Variants in SOX6 observed in about 807,000 individuals in gnomAD.
SOX6 encodes transcription factor SOX-6.
A neutral mutation model predicts 97.8 loss-of-function variants in SOX6; 11 were observed. The observed-to-expected ratio is 0.11, with a 90% CI of 0.07 to 0.19. The LOEUF (loss-of-function observed/expected upper bound fraction) is 0.19, where lower values mean the gene tolerates loss of function less well. Ranked by LOEUF, SOX6 falls within the 10% of genes least tolerant of loss-of-function variation. The probability of loss-of-function intolerance (pLI) is 1.00; values close to 1 mark genes in which losing one functional copy is unlikely to be tolerated. For missense variants in SOX6, 810 were observed against 1,039.5 expected, an observed-to-expected ratio of 0.78 and a Z score of 3.04; for synonymous variants, 360 against 371.4, an observed-to-expected ratio of 0.97 and a Z score of 0.35.
intron 4 of SOX6, among the ~76,000 whole-genome samples, chr11:16,231,685 T>C (rs903685485): frequency 1.3e-5 from 2 of 151,780 alleles, no homozygotes; most frequent in Admixed American, 1.3e-4. Flanking sequence ...AAAAATGTTT[T>C]CTGTTTTCAA....
At chr11:16,539,851 T>G (rs1338255817) in intron 4 of SOX6, among the ~76,000 whole-genome samples, 5 of 151,914 alleles carry the variant, frequency 3.3e-5, no homozygotes, top group Admixed American at 2.0e-4. Flanking sequence ...CCAAAAAAAG[T>G]CCAGGCAAAC....
At chr11:15,992,824 T>C (rs1854096247) in intron 13 of SOX6, among the ~76,000 whole-genome samples, 2 of 152,218 alleles carry the variant, frequency 1.3e-5, no homozygotes, top group Non-Finnish European at 2.9e-5. Context: ...ATGAGTACTA[T>C]GCAGAAAGAT....
chr11:16,114,042 G>A (rs1324885556), intron 6 of SOX6, among the ~76,000 whole-genome samples: 1 of 152,130 alleles, frequency 6.6e-6, no homozygotes, highest in Non-Finnish European at 1.5e-5. Flanking sequence ...CCTTTCCCTA[G>A]AGCTGGTCCA....
At chr11:16,651,770 C>G (rs139083128) in intron 3 of SOX6, among the ~76,000 whole-genome samples, 1,704 of 152,128 alleles carry the variant, frequency 0.011, 28 homozygotes, top group African/African-American at 0.035. Context: ...GAAGTCCTAG[C>G]CAGAGCAATC....
At chr11:16,415,237 T>TA (rs1186012530) in intron 1 of SOX6, among the ~76,000 whole-genome samples, 1 of 152,044 alleles carries the variant, frequency 6.6e-6, no homozygotes, top group African/African-American at 2.4e-5. Flanking sequence ...AGACTTTTGT[T>TA]ACCAAAAATA....
intron 4 of SOX6, among the ~76,000 whole-genome samples, chr11:16,589,349 G>C (rs1233424343): frequency 2.0e-5 from 3 of 152,100 alleles, no homozygotes; most frequent in Non-Finnish European, 4.4e-5. Flanking sequence ...AATACAGATT[G>C]ACAGATTGAG....
rs1393640258 is a variant in SOX6 at position 15,971,884 on chromosome 11, G to A, written c.*925C>T. ...ATGAATAAATTATTTAAGATAAAAT[G>A]TGTTAAGACTGAATGTCAGGGTTAA... On this transcript the variant is annotated 3_prime_UTR_variant, in exon 16 of 16. Transcript: ENST00000683767. 1.3e-5 allele frequency: 2 copies of A among 152,618 alleles called. No homozygotes were observed. The highest frequency in any genetic ancestry group is 2.1e-4 in the South Asian group (1 of 4,836). 9.5% of individuals were successfully genotyped at this position (152,618 alleles called of 1,614,324 possible). A position where few individuals can be genotyped will look rare whatever the true frequency, so the allele number is the denominator to read the frequency against.
intron 6 of SOX6, among the ~76,000 whole-genome samples, chr11:16,177,461 T>C (rs966162400): frequency 6.6e-6 from 1 of 151,964 alleles, no homozygotes; most frequent in African/African-American, 2.4e-5. Flanking sequence ...TTGGTGTATA[T>C]ACACTTCAAA....
At chr11:16,470,616 C>T (rs1370827223) in intron 1 of SOX6, among the ~76,000 whole-genome samples, 2 of 152,006 alleles carry the variant, frequency 1.3e-5, no homozygotes, top group East Asian at 3.9e-4. Flanking sequence ...CTTAGTCTAT[C>T]TCAAAATTTC....
chr11:16,293,831 G>A (rs1434085638), intron 3 of SOX6, among the ~76,000 whole-genome samples: 2 of 151,952 alleles, frequency 1.3e-5, no homozygotes, highest in African/African-American at 4.8e-5. Flanking sequence ...AGTACTTGGG[G>A]GTCACCGCAG....
intron 4 of SOX6, among the ~76,000 whole-genome samples, chr11:16,228,724 C>T (rs778833173): frequency 6.6e-6 from 1 of 152,066 alleles, no homozygotes; most frequent in Non-Finnish European, 1.5e-5. Flanking sequence ...ATTTGCTTGA[C>T]TAGTAATCAT....
At chr11:16,455,748 T>C (rs1392977490) in intron 1 of SOX6, among the ~76,000 whole-genome samples, 1 of 152,028 alleles carries the variant, frequency 6.6e-6, no homozygotes, top group Non-Finnish European at 1.5e-5. Flanking sequence ...TACAAGAAGA[T>C]ACATTTATTT....
At chr11:16,041,605 T>C (rs1028518810) in intron 12 of SOX6, among the ~76,000 whole-genome samples, 2 of 152,106 alleles carry the variant, frequency 1.3e-5, no homozygotes, top group Non-Finnish European at 2.9e-5. Flanking sequence ...GAAATGTAAA[T>C]AGCTATCAAG....
intron 15 of SOX6, among the ~76,000 whole-genome samples, chr11:15,975,215 T>C (rs969964659): frequency 1.3e-5 from 2 of 152,198 alleles, no homozygotes; most frequent in Admixed American, 6.5e-5. Context: ...AAAATATTAG[T>C]TCCCTCTTAT....
chr11:16,138,499 C>G (rs1026584557), intron 6 of SOX6, among the ~76,000 whole-genome samples: 1 of 151,880 alleles, frequency 6.6e-6, no homozygotes, highest in Non-Finnish European at 1.5e-5. Context: ...CTTCCCTGAT[C>G]TTTATAACCT....
rs141686491 is a variant in SOX6 at position 16,444,443 on chromosome 11, T to G, written c.-5+31872A>C. ...CTTATCTTTCACATTTTCTCACTTA[T>G]ATCTTTACCTCTTACTTGTTTCTCA... On this transcript the variant is annotated intron_variant, in intron 1 of 15. Coordinates refer to the SOX6 transcript ENST00000396356. Among the ~76,000 whole-genome samples, 247 of 152,298 alleles carry G rather than the reference T, an allele frequency of 1.6e-3. 2 individuals carry two copies. Among genetic ancestry groups the G allele is most frequent in the African/African-American group, 5.8e-3 (243 of 41,556 alleles).
intron 2 of SOX6, among the ~76,000 whole-genome samples, chr11:16,733,469 T>C (rs1327645362): frequency 1.3e-5 from 2 of 148,766 alleles, no homozygotes; most frequent in African/African-American, 2.5e-5. Flanking sequence ...CAGCAAACCA[T>C]CACAAGAATA....
chr11:16,496,890 G>A, intron 4 of SOX6, among the ~76,000 whole-genome samples: 1 of 152,216 alleles, frequency 6.6e-6, no homozygotes, highest in African/African-American at 2.4e-5. Context: ...CCACCTCTGG[G>A]GAGAGTGCAT....
chr11:16,436,597 T>C (rs1859380332), intron 1 of SOX6, among the ~76,000 whole-genome samples: 1 of 152,210 alleles, frequency 6.6e-6, no homozygotes. Context: ...GGCTCTGTCA[T>C]CCACCAACTC....
Sources: gnomAD v4.1 joint callset for allele counts (sites outside exome capture counted in the v4.1 genomes callset) on GRCh38, gnomAD v4.1.1 for gene constraint, MANE v1.5 for transcripts, NCBI Gene and HGNC (gene_info 2026-07-23, HGNC 2026-07-21) for gene names.